WNT7A: variants seen among roughly 807,000 people sequenced by gnomAD.
WNT7A encodes the protein Wnt family member 7A.
A neutral mutation model predicts 28.2 loss-of-function variants in WNT7A; 16 were observed. The ratio of observed to expected loss-of-function variants is 0.57; its 90% CI spans 0.38 to 0.86. The LOEUF (loss-of-function observed/expected upper bound fraction) is 0.86. Ranked by LOEUF, WNT7A falls within the 40% of genes least tolerant of loss-of-function variation. The pLI is 0.00. For synonymous variants in WNT7A, 190 were observed against 195.9 expected, an observed-to-expected ratio of 0.97 and a Z score of 0.25; for missense variants, 411 against 489.7, an observed-to-expected ratio of 0.84 and a Z score of 1.52.
chr3:13,819,178 C>T lies in WNT7A; in HGVS notation c.816G>A (p.Glu272=), dbSNP rs1453704969. ...CCTCCTCGCAGTAGTTGGGCGACTTCTCGATGTACACCAGGTCCGTGTCCA... is the reference window on the plus strand; with the variant it reads ...CCTCCTCGCAGTAGTTGGGCGACTTTTCGATGTACACCAGGTCCGTGTCCA... The part of the protein sequence containing the change: ...KPMDTDLVYI[E]KSPNYCEEDP... The change falls in exon 4 of 4, where the codon GAG becomes GAA. Residue 272 remains glutamate (E), a synonymous_variant. Coordinates refer to ENST00000285018, the MANE Select transcript of WNT7A (RefSeq NM_004625.4). 1 of 1,614,134 alleles carries T rather than the reference C, an allele frequency of 6.2e-7. No individual in the cohort carries two copies. The highest frequency in any genetic ancestry group is 1.3e-5 in the African/African-American group (1 of 74,946).
intron 2 of WNT7A, among the ~76,000 whole-genome samples, chr3:13,863,231 G>T (rs1234066058): frequency 6.6e-6 from 1 of 152,084 alleles, no homozygotes; most frequent in Non-Finnish European, 1.5e-5. Context: ...ACTCTGAGGG[G>T]CCTCCCAGAT....
Position 13,819,260 on chromosome 3 carries a change from C to T in WNT7A, c.734G>A (p.Arg245His), listed in dbSNP as rs1334466627. 6 of 1,614,218 alleles carry T rather than the reference C, an allele frequency of 3.7e-6. No individual in the cohort carries two copies. Among genetic ancestry groups the T allele is most frequent in the Non-Finnish European group, 5.1e-6 (6 of 1,180,040 alleles). Residue 245 changes from arginine (R) to histidine (H), a missense_variant, in exon 4 of 4, where the codon CGC (arginine) becomes CAC (histidine). Physicochemically the swap from Arg to His is conservative, Grantham distance 29. Transcript: ENST00000285018. ...AVHVEPVRAS[R>H]NKRPTFLKIK... ...CTTCAGGAAGGTGGGCCGCTTGTTG[C>T]GGCTGGCACGCACAGGCTCCACGTG...
chr3:13,828,079 T>C (rs1156458336), intron 3 of WNT7A, among the ~76,000 whole-genome samples: 3 of 152,158 alleles, frequency 2.0e-5, no homozygotes, highest in South Asian at 2.1e-4. Flanking sequence ...CAATGAGGCC[T>C]TTCCTAGCCC....
chr3:13,862,402 A>G (rs1694844812), intron 2 of WNT7A, among the ~76,000 whole-genome samples: 1 of 152,250 alleles, frequency 6.6e-6, no homozygotes, highest in African/African-American at 2.4e-5. Context: ...TATTTACGGT[A>G]TCTTACTGGA....
chr3:13,833,385 C>A (rs933240637), intron 3 of WNT7A, among the ~76,000 whole-genome samples: 2 of 152,168 alleles, frequency 1.3e-5, no homozygotes, highest in Non-Finnish European at 2.9e-5. Flanking sequence ...ACACACACAC[C>A]CTCAAACATG....
At chr3:13,846,515 A>G (rs1694540840) in intron 3 of WNT7A, among the ~76,000 whole-genome samples, 1 of 152,156 alleles carries the variant, frequency 6.6e-6, no homozygotes. Flanking sequence ...AGAACAGGGA[A>G]TGTTGATCTC....
chr3:13,830,408 C>A (rs1694262733), intron 3 of WNT7A, among the ~76,000 whole-genome samples: 1 of 152,134 alleles, frequency 6.6e-6, no homozygotes, highest in Admixed American at 6.5e-5. Context: ...GTGCCCCATG[C>A]CCCATCTGTT....
intron 3 of WNT7A, among the ~76,000 whole-genome samples, chr3:13,820,492 C>A (rs903130303): frequency 1.3e-5 from 2 of 151,894 alleles, no homozygotes; most frequent in Non-Finnish European, 2.9e-5. Flanking sequence ...AGCTGAGGGG[C>A]GAACTGAGTG....
chr3:13,867,379 C>T (rs1230091266), intron 2 of WNT7A, among the ~76,000 whole-genome samples: 3 of 152,178 alleles, frequency 2.0e-5, no homozygotes, highest in African/African-American at 7.2e-5. Context: ...GGCAGGATCA[C>T]ACAAACAGAA....
chr3:13,856,950 GAA>G (rs1491297000), intron 2 of WNT7A, among the ~76,000 whole-genome samples: 5 of 123,040 alleles, frequency 4.1e-5, no homozygotes, highest in Admixed American at 8.3e-5. Context: ...AGAAGAAGAA[GAA>G]GAAGAAGAAG....
At position 13,868,579 on chromosome 3, in the gene WNT7A, AG is replaced by A. The variant is rs1559306879; in HGVS notation, c.298+6367del. 8.9e-3 allele frequency among the ~76,000 whole-genome samples: 186 copies of A among 20,788 alleles called. 23 individuals are homozygous for A. Among genetic ancestry groups the A allele is most frequent in the African/African-American group, 0.047 (163 of 3,478 alleles). The allele number at this position is 20,788 out of a possible 152,430, so 13.6% of individuals were successfully genotyped here. On this transcript the variant is annotated intron_variant, in intron 2 of 3. Coordinates refer to ENST00000285018, the MANE Select transcript of WNT7A (RefSeq NM_004625.4). Reference sequence around the variant, plus strand: ...AGAAGGGGGAGAGAGAGAGAGAGAGAGAGAGAGAGAGGGAGAAAGAAAGAAA... The same window carrying A: ...AGAAGGGGGAGAGAGAGAGAGAGAGAAGAGAGAGAGGGAGAAAGAAAGAAA...
At chr3:13,868,440 A>G (rs1205405811) in intron 2 of WNT7A, among the ~76,000 whole-genome samples, 2 of 150,564 alleles carry the variant, frequency 1.3e-5, no homozygotes, top group Admixed American at 6.7e-5. Context: ...GCAGTGCTGC[A>G]CTACAGCCTG....
rs1467057235 is a variant in WNT7A at position 13,869,052 on chromosome 3, AAGAG to A, written c.298+5891_298+5894del. On this transcript the variant is annotated intron_variant, in intron 2 of 3. Transcript: ENST00000285018. ...AAAGTGAGAGAGAGAGAAAGGGAGA[AAGAG>A]AGAGAGAAAGCAAGTGAGAGAGAGA... 8.9e-5 allele frequency among the ~76,000 whole-genome samples: 13 copies of A among 145,858 alleles called. No homozygotes were observed. In the South Asian group the frequency reaches 2.7e-3, roughly 31 times the overall value.
At chr3:13,838,187 G>C (rs1015632969) in intron 3 of WNT7A, among the ~76,000 whole-genome samples, 2 of 152,222 alleles carry the variant, frequency 1.3e-5, no homozygotes, top group Non-Finnish European at 2.9e-5. Flanking sequence ...CAATTTCTCA[G>C]TGCTCTGAGC....
rs878989052 is a variant in WNT7A, at chr3:13,879,742, T to G, written c.71+4A>C. Reference sequence around the variant, plus strand: ...CGCGCGGAAAGGGCGCAGGCAGCCCTTACCCGATCCGGAGGTAGACCATGC... The same window carrying G: ...CGCGCGGAAAGGGCGCAGGCAGCCCGTACCCGATCCGGAGGTAGACCATGC... On this transcript the variant is annotated splice_donor_region_variant and intron_variant, in intron 1 of 3. Coordinates refer to ENST00000285018, the MANE Select transcript of WNT7A (RefSeq NM_004625.4). The G allele has an allele frequency of 6.2e-7, 1 of 1,611,770 alleles. No individual in the cohort carries two copies. Among genetic ancestry groups the G allele is most frequent in the Non-Finnish European group, 8.5e-7 (1 of 1,178,728 alleles).
At chr3:13,854,868 G>C in intron 2 of WNT7A, 65 bp from the exon 3 acceptor site, 1 of 1,599,636 alleles carries the variant, frequency 6.3e-7, no homozygotes, top group Non-Finnish European at 8.5e-7. Context: ...AGGAGGCTGG[G>C]CCTGACTGAA....
chr3:13,874,825 G>A, intron 2 of WNT7A, 122 bp downstream of exon 2: 1 of 1,013,608 alleles, frequency 9.9e-7, no homozygotes, highest in Non-Finnish European at 1.5e-6. Context: ...TGCACCTGCA[G>A]GACCCCATAC....
At chr3:13,831,132 G>A (rs1373785638) in intron 3 of WNT7A, among the ~76,000 whole-genome samples, 1 of 152,148 alleles carries the variant, frequency 6.6e-6, no homozygotes, top group Non-Finnish European at 1.5e-5. Context: ...TCGGCCTAGG[G>A]CTCAATGCCG....
At chr3:13,831,538 T>C (rs924925371) in intron 3 of WNT7A, among the ~76,000 whole-genome samples, 2 of 152,164 alleles carry the variant, frequency 1.3e-5, no homozygotes, top group African/African-American at 4.8e-5. Context: ...TAGTGGACAC[T>C]GTCGCATGCC....
Sources: gnomAD v4.1 joint callset for allele counts (sites outside exome capture counted in the v4.1 genomes callset) on GRCh38, gnomAD v4.1.1 for gene constraint, MANE v1.5 for transcripts, NCBI Gene and HGNC (gene_info 2026-07-23, HGNC 2026-07-21) for gene names.